The following TBC1D5 variants were observed in gnomAD, a reference collection of about 807,000 sequenced individuals.
The protein encoded by TBC1D5 is TBC1 domain family, member 5.
In TBC1D5, 75 loss-of-function variants were observed where a neutral mutation model predicts 100.3. That is an observed-to-expected ratio of 0.75 (90% CI 0.62 to 0.91). The LOEUF (loss-of-function observed/expected upper bound fraction) is 0.91. Ranked by LOEUF, TBC1D5 falls within the 40% of genes least tolerant of loss-of-function variation. TBC1D5 has a pLI of 0.00. For missense variants in TBC1D5, 910 were observed against 942.4 expected, an observed-to-expected ratio of 0.97 and a Z score of 0.45; for synonymous variants, 323 against 325.6, an observed-to-expected ratio of 0.99 and a Z score of 0.09.
At chr3:17,180,884 C>G (rs1441920592) in intron 19 of TBC1D5, among the ~76,000 whole-genome samples, 1 of 115,096 alleles carries the variant, frequency 8.7e-6, no homozygotes, top group Non-Finnish European at 1.7e-5. Context: ...ATCCATGTAT[C>G]AAAAGCGCAT....
intron 2 of TBC1D5, among the ~76,000 whole-genome samples, chr3:17,617,699 G>T (rs896391012): frequency 6.6e-6 from 1 of 152,134 alleles, no homozygotes. Flanking sequence ...TGCTATTGAA[G>T]CTTGTGCGTG....
intron 1 of TBC1D5, among the ~76,000 whole-genome samples, chr3:17,634,370 A>G (rs185154958): frequency 3.6e-4 from 55 of 152,288 alleles, no homozygotes; most frequent in African/African-American, 1.3e-3. Context: ...GCTACATATA[A>G]ACAATGGAGT....
intron 15 of TBC1D5, among the ~76,000 whole-genome samples, chr3:17,277,170 C>T (rs1404150382): frequency 6.6e-6 from 1 of 152,150 alleles, no homozygotes; most frequent in Non-Finnish European, 1.5e-5. Context: ...ATATTTTATT[C>T]TCAAGAAGAA....
At chr3:17,373,440 G>A (rs538404025) in intron 12 of TBC1D5, among the ~76,000 whole-genome samples, 7 of 152,214 alleles carry the variant, frequency 4.6e-5, no homozygotes, top group Admixed American at 3.9e-4. Context: ...GTAATATAAT[G>A]AGACAACCAT....
chr3:17,238,199 T>C (rs757281834), exon 17 of TBC1D5: 3 of 1,614,006 alleles, frequency 1.9e-6, no homozygotes, highest in Admixed American at 3.3e-5. Context: ...TCTGATTTCA[T>C]CAGCCTCTGC....
chr3:17,623,851 A>T (rs1354336759), exon 2 of TBC1D5: 1 of 151,918 alleles, frequency 6.6e-6, no homozygotes, highest in Non-Finnish European at 1.5e-5. Context: ...ATTCTTACAG[A>T]TTTTCTTTCA....
chr3:17,203,134 G>T (rs749428081), intron 18 of TBC1D5, among the ~76,000 whole-genome samples: 28 of 152,214 alleles, frequency 1.8e-4, no homozygotes, highest in Non-Finnish European at 3.4e-4. Context: ...AGATCCCCAA[G>T]GCCTTGGAAG....
chr3:17,359,736 TTAA>T (rs1361470617), intron 13 of TBC1D5, among the ~76,000 whole-genome samples: 1 of 152,054 alleles, frequency 6.6e-6, no homozygotes, highest in Non-Finnish European at 1.5e-5. Flanking sequence ...CCAAGTATAC[TTAA>T]TAATGGAATA....
intron 1 of TBC1D5, among the ~76,000 whole-genome samples, chr3:17,643,044 T>C (rs2064676574): frequency 6.6e-6 from 1 of 152,100 alleles, no homozygotes; most frequent in Admixed American, 6.6e-5. Context: ...ACGCCACTAA[T>C]GACTTTTTTT....
At position 17,690,407 on chromosome 3, in the gene TBC1D5, G is replaced by A. The variant is rs1362768738; in HGVS notation, c.-101+48936C>T. ...AATTTTTTGTATTTTTAGTAGAGAC[G>A]GGGTTTCACCGTTTTAGCCGGGATG... On this transcript the variant is annotated intron_variant, in intron 1 of 21. Coordinates refer to ENST00000253692, the Ensembl canonical transcript of TBC1D5. 7.1e-5 allele frequency among the ~76,000 whole-genome samples: 6 copies of A among 84,664 alleles called. 2 individuals carry two copies. The highest frequency in any genetic ancestry group is 1.4e-4 in the Non-Finnish European group (6 of 42,222). 55.5% of individuals were successfully genotyped at this position (84,664 alleles called of 152,430 possible).
At chr3:17,412,625 A>G (rs909244850) in intron 4 of TBC1D5, among the ~76,000 whole-genome samples, 11 of 152,240 alleles carry the variant, frequency 7.2e-5, no homozygotes, top group Middle Eastern at 3.4e-3. Flanking sequence ...TATACTTACA[A>G]TGTGCCTGAA....
chr3:17,467,911 T>C (rs927242685), intron 3 of TBC1D5, among the ~76,000 whole-genome samples: 17 of 152,092 alleles, frequency 1.1e-4, no homozygotes, highest in Non-Finnish European at 1.6e-4. Flanking sequence ...CAACTCCCCT[T>C]CCCCCAAATA....
At chr3:17,725,648 G>C (rs1214682367) in intron 1 of TBC1D5, among the ~76,000 whole-genome samples, 1 of 152,174 alleles carries the variant, frequency 6.6e-6, no homozygotes, top group Non-Finnish European at 1.5e-5. Flanking sequence ...CAGAAGAAAA[G>C]CAGTCTTTAA....
intron 3 of TBC1D5, among the ~76,000 whole-genome samples, chr3:17,472,519 C>T (rs552738054): frequency 3.9e-5 from 6 of 152,028 alleles, no homozygotes; most frequent in Non-Finnish European, 8.8e-5. Context: ...ATGGTAACAC[C>T]CTCCTTAATT....
chr3:17,675,221 G>A (rs1018315049), intron 1 of TBC1D5, among the ~76,000 whole-genome samples: 1 of 151,860 alleles, frequency 6.6e-6, no homozygotes, highest in Non-Finnish European at 1.5e-5. Flanking sequence ...TGGCTACCAA[G>A]ACAGATTATT....
intron 15 of TBC1D5, among the ~76,000 whole-genome samples, chr3:17,288,597 C>G (rs917673083): frequency 6.6e-6 from 1 of 152,106 alleles, no homozygotes; most frequent in Admixed American, 6.5e-5. Flanking sequence ...TACTCACAAA[C>G]CAGTCAGCAC....
intron 1 of TBC1D5, among the ~76,000 whole-genome samples, chr3:17,695,368 C>T (rs1019131238): frequency 9.2e-5 from 14 of 151,992 alleles, no homozygotes; most frequent in South Asian, 2.1e-4. Context: ...CGTGCAATGA[C>T]GCACATAGGC....
At position 17,185,066 on chromosome 3, in the gene TBC1D5, G is replaced by T. The variant is rs748917100; in HGVS notation, c.1852+43C>A. The T allele has an allele frequency of 3.2e-6, 5 of 1,559,966 alleles. No homozygotes were observed. In the Admixed American group the frequency reaches 6.8e-5, roughly 21 times the overall value. ...CAAAGTATTGCTAGTGGCTATTATTGTGATGAGTCTCATCGTTCCCAGGGC... is the reference window on the plus strand; with the variant it reads ...CAAAGTATTGCTAGTGGCTATTATTTTGATGAGTCTCATCGTTCCCAGGGC... On this transcript the variant is annotated intron_variant, in intron 19 of 21. Coordinates refer to ENST00000253692, the Ensembl canonical transcript of TBC1D5.
chr3:17,350,211 C>G (rs771064685), intron 13 of TBC1D5, among the ~76,000 whole-genome samples: 3 of 151,718 alleles, frequency 2.0e-5, no homozygotes, highest in Non-Finnish European at 4.4e-5. Flanking sequence ...ACCACTATCC[C>G]ACAAACTACT....
Sources: gnomAD v4.1 joint callset for allele counts (sites outside exome capture counted in the v4.1 genomes callset) on GRCh38, gnomAD v4.1.1 for gene constraint, MANE v1.5 for transcripts, NCBI Gene and HGNC (gene_info 2026-07-23, HGNC 2026-07-21) for gene names.